The following ACADL variants were observed in gnomAD, a reference collection of about 807,000 sequenced individuals.
ACADL encodes long-chain specific acyl-CoA dehydrogenase, mitochondrial.
In ACADL, 60 loss-of-function variants were observed where a neutral mutation model predicts 56.9. The ratio of observed to expected loss-of-function variants is 1.05; its 90% CI spans 0.86 to 1.31. The LOEUF (loss-of-function observed/expected upper bound fraction) is 1.31, where lower values mean the gene tolerates loss of function less well. ACADL is among the 50% of genes most tolerant of loss of function. The pLI is 0.00. For missense variants in ACADL, 484 were observed against 525.5 expected (o/e 0.92, Z 0.77); for synonymous variants, 158 against 179.7 (o/e 0.88, Z 0.97).
At chr2:210,196,009 G>A (rs1233564205) in intron 8 of ACADL, among the ~76,000 whole-genome samples, 1 of 152,076 alleles carries the variant, frequency 6.6e-6, no homozygotes, top group African/African-American at 2.4e-5. Context: ...ATCTTGAATT[G>A]TAGCTCCCAT....
At chr2:210,219,009 G>T (rs930141523) in intron 2 of ACADL, among the ~76,000 whole-genome samples, 1 of 152,140 alleles carries the variant, frequency 6.6e-6, no homozygotes, top group Non-Finnish European at 1.5e-5. Flanking sequence ...TGGAGATAGT[G>T]AAAAAATATC....
intron 8 of ACADL, among the ~76,000 whole-genome samples, chr2:210,199,072 G>A (rs887562922): frequency 6.6e-5 from 10 of 152,002 alleles, no homozygotes; most frequent in Admixed American, 6.6e-4. Flanking sequence ...GTTATAAAAT[G>A]ACATGTGGCC....
chr2:210,198,464 C>A (rs188124557), intron 8 of ACADL, among the ~76,000 whole-genome samples: 131 of 152,088 alleles, frequency 8.6e-4, no homozygotes, highest in Middle Eastern at 3.4e-3. Flanking sequence ...TCTTTATGCC[C>A]TTAGAATTAA....
chr2:210,196,402 G>C (rs1314795726), intron 8 of ACADL, among the ~76,000 whole-genome samples: 2 of 152,034 alleles, frequency 1.3e-5, no homozygotes, highest in Non-Finnish European at 1.5e-5. Flanking sequence ...GATTATCAAT[G>C]TTAATATAGC....
chr2:210,222,332 G>T (rs185575458), intron 1 of ACADL, among the ~76,000 whole-genome samples: 4 of 152,066 alleles, frequency 2.6e-5, no homozygotes, highest in Admixed American at 1.3e-4. Flanking sequence ...TATGTGCCTG[G>T]GGGGAGGCAG....
At chr2:210,218,198 T>C in intron 2 of ACADL, 96 bp from the exon 3 acceptor site, 1 of 1,239,520 alleles carries the variant, frequency 8.1e-7, no homozygotes. Flanking sequence ...TAGAAATGCA[T>C]TCTTAATTTA....
Position 210,225,235 on chromosome 2 carries a change from A to T in ACADL, c.29T>A (p.Leu10Gln). 6.4e-7 allele frequency: 1 copy of T among 1,556,440 alleles called. No individual in the cohort carries two copies. Among genetic ancestry groups the T allele is most frequent in the East Asian group, 2.4e-5 (1 of 41,664 alleles). The change falls in exon 1 of 11, where the codon CTA becomes CAA. Residue 10 changes from leucine to glutamine, a missense_variant. Physicochemically the swap from Leu to Gln is moderately radical, Grantham distance 113. Transcript: ENST00000233710. Reference sequence around the variant, plus strand: ...CGCACGGTGGCCGCCCAGGACGCGTAGGGACCCTCGGAGAAGGCGTGCGGC... The same window carrying T: ...CGCACGGTGGCCGCCCAGGACGCGTTGGGACCCTCGGAGAAGGCGTGCGGC... MAARLLRGS[L>Q]RVLGGHRAPR...
At chr2:210,196,961 C>T (rs1688719395) in intron 8 of ACADL, among the ~76,000 whole-genome samples, 1 of 152,188 alleles carries the variant, frequency 6.6e-6, no homozygotes, top group South Asian at 2.1e-4. Context: ...GCTTTTAATG[C>T]TGGCTACAGC....
chr2:210,188,911 G>T lies in ACADL; in HGVS notation c.*50C>A. On this transcript the variant is annotated 3_prime_UTR_variant, in exon 11 of 11. Transcript: ENST00000233710. ...TCCAAGTTACATTTTATCTTGAGCA[G>T]ATTTAAAACGAGATTAGCTGTAATA... The T allele has an allele frequency of 7.6e-7, 1 of 1,320,816 alleles. No individual in the cohort carries two copies. Among genetic ancestry groups the T allele is most frequent in the South Asian group, 1.2e-5 (1 of 85,280 alleles). 81.8% of individuals were successfully genotyped at this position (1,320,816 alleles called of 1,614,324 possible). A position where few individuals can be genotyped will look rare whatever the true frequency, so the allele number is the denominator to read the frequency against.
intron 1 of ACADL, among the ~76,000 whole-genome samples, chr2:210,222,747 T>C (rs2125719947): frequency 6.6e-6 from 1 of 152,264 alleles, no homozygotes; most frequent in South Asian, 2.1e-4. Flanking sequence ...GAAGAGTAGA[T>C]GAGGCCAGAG....
chr2:210,189,105 A>T (rs751519042), intron 10 of ACADL, 51 bp from the exon 11 acceptor site: 28 of 1,366,682 alleles, frequency 2.0e-5, no homozygotes, highest in Non-Finnish European at 2.6e-5. Flanking sequence ...TAGAAACTGT[A>T]AATTTTGTCT....
chr2:210,195,117 C>A, intron 9 of ACADL, 94 bp downstream of exon 9: 2 of 1,513,940 alleles, frequency 1.3e-6, no homozygotes, highest in Non-Finnish European at 1.8e-6. Context: ...TCACAGATTT[C>A]TTCCTTTAAG....
At chr2:210,211,899 T>C (rs895209911) in intron 4 of ACADL, among the ~76,000 whole-genome samples, 11 of 151,020 alleles carry the variant, frequency 7.3e-5, no homozygotes, top group African/African-American at 2.7e-4. Flanking sequence ...GGCACAATCT[T>C]GGTTCATTGC....
chr2:210,201,257 C>T (rs1688787587), intron 8 of ACADL, among the ~76,000 whole-genome samples: 1 of 152,136 alleles, frequency 6.6e-6, no homozygotes, highest in Admixed American at 6.6e-5. Flanking sequence ...TTCTCCTTTT[C>T]ATTTAATAAA....
In ACADL at chr2:210,217,992, T is replaced by C; in HGVS notation, c.344A>G (p.Tyr115Cys). The change falls in exon 3 of 11, where the codon TAC (tyrosine) becomes TGC (cysteine). Residue 115 changes from tyrosine to cysteine, a missense_variant. By Grantham distance (194) the Tyr-to-Cys change is radical. Transcript: ENST00000233710. ...CTCCTCCCAGACAATAGCTGCGGAGTACAGATCCCCTCCAATTCCACCAAG... is the reference window on the plus strand; with the variant it reads ...CTCCTCCCAGACAATAGCTGCGGAGCACAGATCCCCTCCAATTCCACCAAG... ...EHLGGIGGDLYSAAIVWEEQA... is the reference protein window; with the variant it reads ...EHLGGIGGDLCSAAIVWEEQA... 1 of 1,613,950 alleles carries C rather than the reference T, an allele frequency of 6.2e-7. No homozygotes were observed. The highest frequency in any genetic ancestry group is 1.6e-4 in the Middle Eastern group (1 of 6,062).
chr2:210,214,968 G>A (rs1689060971), intron 4 of ACADL, among the ~76,000 whole-genome samples: 1 of 152,108 alleles, frequency 6.6e-6, no homozygotes, highest in Non-Finnish European at 1.5e-5. Context: ...CATATTGCAA[G>A]TCATGCTATA....
chr2:210,225,042 G>A, intron 1 of ACADL, 145 bp downstream of exon 1: 1 of 1,479,504 alleles, frequency 6.8e-7, no homozygotes, highest in Non-Finnish European at 8.9e-7. Context: ...CAGGAAAGGA[G>A]GCCAGCTCTA....
intron 8 of ACADL, among the ~76,000 whole-genome samples, chr2:210,201,633 C>T (rs1688794029): frequency 6.6e-6 from 1 of 152,068 alleles, no homozygotes; most frequent in African/African-American, 2.4e-5. Flanking sequence ...TCATTTCTAC[C>T]TTTCCCTTCA....
intron 4 of ACADL, among the ~76,000 whole-genome samples, chr2:210,210,622 G>A (rs1436157505): frequency 6.6e-6 from 1 of 152,028 alleles, no homozygotes; most frequent in South Asian, 2.1e-4. Flanking sequence ...TAAACACCTT[G>A]GTTCCTTCCC....
Sources: gnomAD v4.1 joint callset for allele counts (sites outside exome capture counted in the v4.1 genomes callset) on GRCh38, gnomAD v4.1.1 for gene constraint, MANE v1.5 for transcripts, NCBI Gene and HGNC (gene_info 2026-07-23, HGNC 2026-07-21) for gene names.